SNX29: variants seen among roughly 807,000 people sequenced by gnomAD.
SNX29 encodes sorting nexin-29.
In SNX29, 78 loss-of-function variants were observed where a neutral mutation model predicts 102.1. The observed-to-expected ratio is 0.76, with a 90% CI of 0.64 to 0.92. The LOEUF is 0.92. SNX29 is among the 40% of genes least tolerant of loss of function. SNX29 has a pLI of 0.00. For missense variants in SNX29, 1,280 were observed against 1,061.7 expected, an observed-to-expected ratio of 1.21 and a Z score of -2.86; for synonymous variants, 580 against 414.5, an observed-to-expected ratio of 1.40 and a Z score of -4.85.
Position 12,462,007 on chromosome 16 carries a change from ATATATG to A in SNX29, c.2038-15707_2038-15702del, listed in dbSNP as rs1445282793. On this transcript the variant is annotated intron_variant, in intron 18 of 20. Coordinates refer to ENST00000566228, the MANE Select transcript of SNX29 (RefSeq NM_032167.5). ...TATATATATATATATATATATATAT[ATATATG>A]TATACACACACACACACACACACAC... Among the ~76,000 whole-genome samples the A allele has an allele frequency of 2.6e-3, 194 of 74,092 alleles. 1 individual carries two copies. The highest frequency in any genetic ancestry group is 4.6e-3 in the African/African-American group (66 of 14,284). 48.6% of individuals were successfully genotyped at this position (74,092 alleles called of 152,430 possible).
chr16:12,159,735 A>G (rs1260682769), intron 13 of SNX29, among the ~76,000 whole-genome samples: 1 of 152,138 alleles, frequency 6.6e-6, no homozygotes, highest in Non-Finnish European at 1.5e-5. Flanking sequence ...TATAAAAAGG[A>G]AAGGAAATCC....
At chr16:12,259,198 T>C (rs761622541) in intron 14 of SNX29, among the ~76,000 whole-genome samples, 2 of 152,236 alleles carry the variant, frequency 1.3e-5, no homozygotes, top group Non-Finnish European at 2.9e-5. Flanking sequence ...TCATTTATTA[T>C]ATCGTTCCGA....
intron 4 of SNX29, among the ~76,000 whole-genome samples, chr16:12,041,112 T>G (rs2049863603): frequency 6.6e-6 from 1 of 152,122 alleles, no homozygotes; most frequent in Non-Finnish European, 1.5e-5. Flanking sequence ...ATCCTGTTTT[T>G]TTTGTTTTGT....
intron 15 of SNX29, among the ~76,000 whole-genome samples, chr16:12,294,627 A>G (rs186712439): frequency 4.8e-4 from 73 of 152,154 alleles, no homozygotes; most frequent in Admixed American, 8.5e-4. Context: ...CCCTTTGCCT[A>G]TGCTCAGCGG....
At chr16:12,402,686 G>A (rs2083993317) in intron 17 of SNX29, among the ~76,000 whole-genome samples, 2 of 152,178 alleles carry the variant, frequency 1.3e-5, no homozygotes, top group Admixed American at 6.5e-5. Context: ...CCTGGCCCAC[G>A]CGAGGTGAGA....
chr16:12,072,905 A>G (rs1367625963), intron 10 of SNX29, among the ~76,000 whole-genome samples: 2 of 152,098 alleles, frequency 1.3e-5, no homozygotes, highest in East Asian at 3.9e-4. Flanking sequence ...GGGAGAGTGT[A>G]TGTTTCGAGG....
chr16:12,540,735 C>T (rs1212801251), intron 20 of SNX29, among the ~76,000 whole-genome samples: 1 of 152,190 alleles, frequency 6.6e-6, no homozygotes, highest in Non-Finnish European at 1.5e-5. Context: ...AGCTGGGCAT[C>T]CTTGGGGCAC....
chr16:12,284,749 G>C (rs2079540270), intron 15 of SNX29, among the ~76,000 whole-genome samples: 1 of 149,904 alleles, frequency 6.7e-6, no homozygotes, highest in Non-Finnish European at 1.5e-5. Flanking sequence ...TTTTGAGACA[G>C]AGTCTCATTC....
At chr16:12,142,139 A>G (rs1457506646) in intron 13 of SNX29, among the ~76,000 whole-genome samples, 1 of 152,172 alleles carries the variant, frequency 6.6e-6, no homozygotes, top group Non-Finnish European at 1.5e-5. Context: ...GGTCCCTTTC[A>G]GTTGCCCCGA....
chr16:12,560,419 C>T (rs553982121), intron 20 of SNX29, among the ~76,000 whole-genome samples: 9 of 152,300 alleles, frequency 5.9e-5, no homozygotes, highest in South Asian at 4.1e-4. Flanking sequence ...CAGTGTCTGT[C>T]CTGTAGGCAT....
In SNX29 at chr16:12,367,748, C is replaced by T. The variant is rs77542916; in HGVS notation, c.1899+11469C>T. On this transcript the variant is annotated intron_variant, in intron 16 of 20. Coordinates refer to ENST00000566228, the MANE Select transcript of SNX29 (RefSeq NM_032167.5). ...CCTGTCCCACGGCAATGTTAAACTT[C>T]GTGTTCCAAATTATAAGAGGCTTTT... Among the ~76,000 whole-genome samples the T allele has an allele frequency of 3.3e-5, 5 of 152,342 alleles. No individual in the cohort carries two copies. In the East Asian group the frequency reaches 7.7e-4, roughly 23 times the overall value.
intron 16 of SNX29, among the ~76,000 whole-genome samples, chr16:12,370,382 A>G (rs1269582360): frequency 6.6e-6 from 1 of 152,188 alleles, no homozygotes; most frequent in Non-Finnish European, 1.5e-5. Flanking sequence ...CAACGTGGTG[A>G]AAACCCATCT....
chr16:12,172,391 A>C (rs934998162), intron 13 of SNX29, among the ~76,000 whole-genome samples: 2 of 152,108 alleles, frequency 1.3e-5, no homozygotes, highest in Non-Finnish European at 2.9e-5. Flanking sequence ...TGGTACCTCC[A>C]ATATCTCTGA....
intron 18 of SNX29, among the ~76,000 whole-genome samples, chr16:12,431,296 G>A (rs546924910): frequency 2.6e-5 from 4 of 152,076 alleles, no homozygotes; most frequent in South Asian, 4.2e-4. Flanking sequence ...TGTGAAGGTC[G>A]AAACAGTGCA....
intron 10 of SNX29, among the ~76,000 whole-genome samples, chr16:12,075,775 C>T (rs886560521): frequency 3.9e-5 from 6 of 152,182 alleles, no homozygotes; most frequent in African/African-American, 1.4e-4. Context: ...AGAGGTGGAG[C>T]CTACAGAGGC....
At chr16:12,540,247 A>C (rs1057320692) in intron 20 of SNX29, among the ~76,000 whole-genome samples, 16 of 151,492 alleles carry the variant, frequency 1.1e-4, no homozygotes, top group Non-Finnish European at 7.4e-5. Flanking sequence ...CGCTCCCCCC[A>C]CCCCCAGCGT....
chr16:12,154,932 G>A (rs2055474456), intron 13 of SNX29, among the ~76,000 whole-genome samples: 1 of 152,212 alleles, frequency 6.6e-6, no homozygotes, highest in Non-Finnish European at 1.5e-5. Context: ...TCATCTTGGA[G>A]GTTAGCATTT....
At chr16:12,444,435 C>T (rs2085955434) in intron 18 of SNX29, among the ~76,000 whole-genome samples, 1 of 152,242 alleles carries the variant, frequency 6.6e-6, no homozygotes, top group Non-Finnish European at 1.5e-5. Context: ...CATGGTGGTT[C>T]CCTGAGCCTG....
At chr16:12,313,626 G>T (rs1196506585) in intron 15 of SNX29, among the ~76,000 whole-genome samples, 1 of 152,156 alleles carries the variant, frequency 6.6e-6, no homozygotes, top group East Asian at 1.9e-4. Flanking sequence ...TTCTTCTTGT[G>T]AGCGTTTGTT....
Sources: gnomAD v4.1 joint callset for allele counts (sites outside exome capture counted in the v4.1 genomes callset) on GRCh38, gnomAD v4.1.1 for gene constraint, MANE v1.5 for transcripts, NCBI Gene and HGNC (gene_info 2026-07-23, HGNC 2026-07-21) for gene names.